MAF: variants seen among roughly 807,000 people sequenced by gnomAD.
MAF encodes MAF bZIP transcription factor.
Under a neutral mutation model 22.0 loss-of-function variants are expected in MAF, and 10 were observed. The ratio of observed to expected loss-of-function variants is 0.45; its 90% CI spans 0.28 to 0.77. The LOEUF (loss-of-function observed/expected upper bound fraction) is 0.77. Ranked by LOEUF, MAF falls within the 30% of genes least tolerant of loss-of-function variation. The pLI is 0.12. For missense variants in MAF, 544 were observed against 548.4 expected (o/e 0.99, Z 0.08); for synonymous variants, 337 against 255.8 (o/e 1.32, Z -3.03).
downstream of MAF, among the ~76,000 whole-genome samples, chr16:79,589,396 A>G (rs571696287): frequency 6.6e-6 from 1 of 152,340 alleles, no homozygotes; most frequent in South Asian, 2.1e-4. Context: ...AACCGTATCG[A>G]GATTTCCATA....
At chr16:79,540,181 G>A in the MAF span, among the ~76,000 whole-genome samples, 1 of 151,862 alleles carries the variant, frequency 6.6e-6, no homozygotes, top group Non-Finnish European at 1.5e-5. Context: ...GTAAAGGAAT[G>A]AGGTGGGATT....
At chr16:79,498,833 T>C in the MAF span, among the ~76,000 whole-genome samples, 10 of 152,328 alleles carry the variant, frequency 6.6e-5, no homozygotes, top group Non-Finnish European at 1.5e-4. Context: ...AATTTACTTA[T>C]TCATTTTTTT....
At chr16:79,206,997 C>G in the MAF span, among the ~76,000 whole-genome samples, 2 of 152,154 alleles carry the variant, frequency 1.3e-5, no homozygotes, top group African/African-American at 2.4e-5. Context: ...TGAGGAATGG[C>G]TGTATCCCAA....
chr16:79,584,491 C>T (rs191778381), downstream of MAF, among the ~76,000 whole-genome samples: 46 of 152,260 alleles, frequency 3.0e-4, no homozygotes, highest in East Asian at 6.9e-3. Flanking sequence ...GATTTCTTTC[C>T]CACCAGTAAC....
At chr16:79,235,833 T>C in the MAF span, among the ~76,000 whole-genome samples, 53 of 152,192 alleles carry the variant, frequency 3.5e-4, 1 homozygote, top group African/African-American at 1.2e-3. Flanking sequence ...GTTGTGATGG[T>C]TGTTATTGTC....
chr16:79,242,657 T>C, the MAF span, among the ~76,000 whole-genome samples: 1 of 151,704 alleles, frequency 6.6e-6, no homozygotes, highest in South Asian at 2.1e-4. Context: ...AGACAGAAAA[T>C]TAACAAGGAT....
chr16:79,226,987 T>G, the MAF span, among the ~76,000 whole-genome samples: 2 of 152,040 alleles, frequency 1.3e-5, no homozygotes, highest in African/African-American at 4.8e-5. Context: ...ACCTTAGGGC[T>G]ACATGGCACC....
the MAF span, among the ~76,000 whole-genome samples, chr16:79,494,667 A>G: frequency 7.2e-5 from 11 of 152,162 alleles, no homozygotes; most frequent in African/African-American, 1.9e-4. Flanking sequence ...CCAAATGTGT[A>G]GGAGTTTTCC....
chr16:79,283,568 A>C, the MAF span, among the ~76,000 whole-genome samples: 3 of 152,200 alleles, frequency 2.0e-5, no homozygotes, highest in African/African-American at 7.2e-5. Flanking sequence ...CTTTTAAAAA[A>C]CGATTAAAAA....
chr16:79,219,282 C>A, the MAF span, among the ~76,000 whole-genome samples: 2 of 152,274 alleles, frequency 1.3e-5, no homozygotes, highest in East Asian at 3.9e-4. Context: ...TCATCTGATG[C>A]TGGGCATTCC....
At chr16:79,233,411 C>G in the MAF span, among the ~76,000 whole-genome samples, 1 of 151,994 alleles carries the variant, frequency 6.6e-6, no homozygotes, top group East Asian at 1.9e-4. Flanking sequence ...ACACTGGACG[C>G]TAAGTGATAG....
At chr16:79,511,299 T>A in the MAF span, among the ~76,000 whole-genome samples, 1 of 152,116 alleles carries the variant, frequency 6.6e-6, no homozygotes, top group Non-Finnish European at 1.5e-5. Context: ...GTCATTCTCA[T>A]AGCCAAGAGA....
the MAF span, among the ~76,000 whole-genome samples, chr16:79,536,506 G>C: frequency 6.6e-6 from 1 of 152,144 alleles, no homozygotes; most frequent in Admixed American, 6.5e-5. Context: ...GCAAGGCATG[G>C]TGGTGCACAC....
chr16:79,338,706 A>C, the MAF span, among the ~76,000 whole-genome samples: 1 of 152,210 alleles, frequency 6.6e-6, no homozygotes, highest in Non-Finnish European at 1.5e-5. Flanking sequence ...GGGAAGATAC[A>C]GGCTTTATAA....
At chr16:79,318,596 T>C in the MAF span, among the ~76,000 whole-genome samples, 9,634 of 152,286 alleles carry the variant, frequency 0.063, 633 homozygotes, top group African/African-American at 0.17. Flanking sequence ...CTGACAGCCC[T>C]TGGCGCAACA....
At chr16:79,550,134 G>T in the MAF span, among the ~76,000 whole-genome samples, 2,970 of 152,106 alleles carry the variant, frequency 0.02, 107 homozygotes, top group African/African-American at 0.067. Context: ...TTCCCCCAGG[G>T]CATCTGCAGA....
At chr16:79,210,916 C>T in the MAF span, among the ~76,000 whole-genome samples, 3 of 152,176 alleles carry the variant, frequency 2.0e-5, no homozygotes, top group Admixed American at 1.3e-4. Flanking sequence ...AATGTACCCC[C>T]TTACCTGTGG....
At chr16:79,546,974 A>G in the MAF span, among the ~76,000 whole-genome samples, 1 of 152,186 alleles carries the variant, frequency 6.6e-6, no homozygotes, top group African/African-American at 2.4e-5. Context: ...GAAAGTGCAA[A>G]TTTGGGGGTG....
chr16:79,448,755 T>TAA, the MAF span, among the ~76,000 whole-genome samples: 3 of 146,552 alleles, frequency 2.0e-5, no homozygotes, highest in African/African-American at 7.5e-5. Context: ...TATATACATT[T>TAA]AAAAAAAAAA....
Sources: allele counts gnomAD v4.1 joint callset (sites outside exome capture counted in the v4.1 genomes callset), GRCh38; gene constraint gnomAD v4.1.1; transcripts MANE v1.5; gene names NCBI Gene and HGNC (gene_info 2026-07-23, HGNC 2026-07-21).